NOX4: variants seen among roughly 807,000 people sequenced by gnomAD.
The protein encoded by NOX4 is NADPH oxidase 4.
A neutral mutation model predicts 87.6 loss-of-function variants in NOX4; 69 were observed. The ratio of observed to expected loss-of-function variants is 0.79; its 90% CI spans 0.65 to 0.96. The LOEUF (loss-of-function observed/expected upper bound fraction) is 0.96, where lower values mean the gene tolerates loss of function less well. Ranked by LOEUF, NOX4 falls within the 40% of genes least tolerant of loss-of-function variation. The pLI is 0.00. For missense variants in NOX4, 680 were observed against 681.5 expected (o/e 1.00, Z 0.02); for synonymous variants, 275 against 238.2 (o/e 1.15, Z -1.42).
chr11:89,547,766 T>C, the NOX4 span, among the ~76,000 whole-genome samples: 1 of 152,126 alleles, frequency 6.6e-6, no homozygotes, highest in Non-Finnish European at 1.5e-5. Context: ...AGTTTAAGGA[T>C]AGGTATTGTT....
In NOX4 at chr11:89,449,503, T is replaced by G; in HGVS notation, c.286A>C (p.Arg96=). The change falls in exon 4 of 18, where the codon AGA becomes CGA. Residue 96 remains arginine (R), a synonymous_variant. Coordinates refer to ENST00000263317, the MANE Select transcript of NOX4 (RefSeq NM_016931.5). ...SQKVPSRRTR[R]LLDKSRTFHI... ...AATGTTCTGCTTTTATCCAACAATC[T>G]CCTGGTTCTCCTGCTTGGAACCTAA... The G allele has an allele frequency of 6.2e-7, 1 of 1,611,810 alleles. No individual in the cohort carries two copies. The highest frequency in any genetic ancestry group is 8.5e-7 in the Non-Finnish European group (1 of 1,178,656).
At chr11:89,537,862 C>T in the NOX4 span, among the ~76,000 whole-genome samples, 1 of 152,128 alleles carries the variant, frequency 6.6e-6, no homozygotes, top group African/African-American at 2.4e-5. Flanking sequence ...TGTAGCATGT[C>T]TGTTTTTCAT....
At chr11:89,493,728 T>TTAC (rs1319629953), upstream of NOX4, among the ~76,000 whole-genome samples, 1 of 104,186 alleles carries the variant, frequency 9.6e-6, no homozygotes, top group African/African-American at 4.2e-5. Flanking sequence ...TGTTTTATTA[T>TTAC]TATTATTATT....
the NOX4 span, among the ~76,000 whole-genome samples, chr11:89,566,396 T>C: frequency 6.6e-6 from 1 of 152,230 alleles, no homozygotes; most frequent in Admixed American, 6.5e-5. Flanking sequence ...ATTATGTTTA[T>C]GCTGCTCTTA....
chr11:89,487,352 TAG>T (rs1946670569), intron 2 of NOX4, among the ~76,000 whole-genome samples: 1 of 152,086 alleles, frequency 6.6e-6, no homozygotes, highest in Non-Finnish European at 1.5e-5. Context: ...CAATAGAAAA[TAG>T]AGATTTTCAA....
chr11:89,574,089 C>A, the NOX4 span, among the ~76,000 whole-genome samples: 1 of 152,130 alleles, frequency 6.6e-6, no homozygotes, highest in Non-Finnish European at 1.5e-5. Flanking sequence ...GGTTGTCTCT[C>A]CCTGATGCCC....
intron 8 of NOX4, among the ~76,000 whole-genome samples, chr11:89,418,328 C>T (rs1366227917): frequency 1.3e-5 from 2 of 151,196 alleles, no homozygotes; most frequent in African/African-American, 4.8e-5. Context: ...AATTTTGGTA[C>T]CTGATACCTG....
At chr11:89,553,020 A>T in the NOX4 span, among the ~76,000 whole-genome samples, 1 of 152,146 alleles carries the variant, frequency 6.6e-6, no homozygotes, top group South Asian at 2.1e-4. Flanking sequence ...CAGCTGAAAG[A>T]TACCTCCTGC....
At chr11:89,350,608 A>C (rs1946413572) in intron 13 of NOX4, among the ~76,000 whole-genome samples, 1 of 152,204 alleles carries the variant, frequency 6.6e-6, no homozygotes, top group Non-Finnish European at 1.5e-5. Context: ...TTTGTAACCC[A>C]TATTTTAGGT....
chr11:89,367,998 T>G (rs1398637116), intron 12 of NOX4, among the ~76,000 whole-genome samples: 1 of 152,156 alleles, frequency 6.6e-6, no homozygotes, highest in East Asian at 1.9e-4. Context: ...CAAGTTTTCT[T>G]CCCAGAAACT....
In NOX4 at chr11:89,326,480, A is replaced by G; in HGVS notation, c.*276T>C. On this transcript the variant is annotated 3_prime_UTR_variant, in exon 18 of 18. Transcript: ENST00000263317. ...CTAGGGAGTTCTTGAATCCACCATG[A>G]AAATCAACAGTGTGCATCTAACAGT... 3 of 222,864 alleles carry G rather than the reference A, an allele frequency of 1.3e-5. No homozygotes were observed. The highest frequency in any genetic ancestry group is 1.6e-3 in the Middle Eastern group (1 of 636). The allele number at this position is 222,864 out of a possible 1,614,324, so 13.8% of individuals were successfully genotyped here.
Position 89,351,583 on chromosome 11 carries a change from T to A in NOX4, c.1217+3379A>T, listed in dbSNP as rs532817732. Among the ~76,000 whole-genome samples the A allele has an allele frequency of 2.6e-5, 4 of 152,322 alleles. No individual in the cohort carries two copies. In the East Asian group the frequency reaches 7.7e-4, roughly 29 times the overall value. On this transcript the variant is annotated intron_variant, in intron 13 of 17. Transcript: ENST00000263317. The stretch of plus-strand genomic sequence containing the variant: ...AGACTAACTCTTGTCTATGGACTAA[T>A]GTAGCTGGTCACTTTAAGTTGAAGC...
At chr11:89,441,433 ATTTC>A (rs1253029887) in intron 5 of NOX4, among the ~76,000 whole-genome samples, 5 of 152,114 alleles carry the variant, frequency 3.3e-5, no homozygotes, top group Admixed American at 3.3e-4. Context: ...AAGCTTTTGA[ATTTC>A]TTTCTGTGTG....
At chr11:89,436,069 G>T (rs1022933259) in intron 6 of NOX4, among the ~76,000 whole-genome samples, 3 of 152,120 alleles carry the variant, frequency 2.0e-5, no homozygotes, top group African/African-American at 7.2e-5. Flanking sequence ...TCAAATAAAA[G>T]AGTTAAACAA....
the NOX4 span, among the ~76,000 whole-genome samples, chr11:89,503,994 T>C: frequency 6.6e-6 from 1 of 151,126 alleles, no homozygotes; most frequent in African/African-American, 2.4e-5. Flanking sequence ...CTTAATTGTA[T>C]TTGAGGAAAG....
At chr11:89,362,288 G>T (rs541637180) in intron 12 of NOX4, among the ~76,000 whole-genome samples, 30 of 152,170 alleles carry the variant, frequency 2.0e-4, no homozygotes, top group Non-Finnish European at 3.5e-4. Context: ...CTACTGTGGG[G>T]TGTGATGCAT....
At chr11:89,574,865 T>C in the NOX4 span, among the ~76,000 whole-genome samples, 1 of 152,190 alleles carries the variant, frequency 6.6e-6, no homozygotes, top group Non-Finnish European at 1.5e-5. Context: ...TGTAGTTACC[T>C]AGTATACCAA....
At chr11:89,371,504 A>T (rs2135051720) in intron 12 of NOX4, among the ~76,000 whole-genome samples, 1 of 152,118 alleles carries the variant, frequency 6.6e-6, no homozygotes, top group Non-Finnish European at 1.5e-5. Flanking sequence ...ACAATAGCTA[A>T]TAATAAACCA....
the NOX4 span, among the ~76,000 whole-genome samples, chr11:89,564,145 T>A: frequency 6.6e-6 from 1 of 152,170 alleles, no homozygotes; most frequent in African/African-American, 2.4e-5. Flanking sequence ...GCATGTTTCC[T>A]TAAATTGCAA....
Sources: gnomAD v4.1 joint callset for allele counts (sites outside exome capture counted in the v4.1 genomes callset) on GRCh38, gnomAD v4.1.1 for gene constraint, MANE v1.5 for transcripts, NCBI Gene and HGNC (gene_info 2026-07-23, HGNC 2026-07-21) for gene names.